TP63: variants seen among roughly 807,000 people sequenced by gnomAD.
TP63 encodes tumor protein 63.
TP63 carries 17 observed loss-of-function variants against 82.8 expected under a neutral mutation model. That is an observed-to-expected ratio of 0.21 (90% CI 0.14 to 0.31). The LOEUF is 0.31. Among genes scored for constraint, TP63 ranks in the 10% least tolerant of loss-of-function variants. The pLI is 1.00. For synonymous variants in TP63, 330 were observed against 321.7 expected (o/e 1.03, Z -0.28); for missense variants, 648 against 895.3 (o/e 0.72, Z 3.52).
At chr3:189,733,718 C>T (rs1031144301) in intron 1 of TP63, among the ~76,000 whole-genome samples, 2 of 152,140 alleles carry the variant, frequency 1.3e-5, no homozygotes, top group African/African-American at 4.8e-5. Context: ...GTAAATCAAA[C>T]ATATTCAAAA....
intron 1 of TP63, among the ~76,000 whole-genome samples, chr3:189,708,425 T>C (rs1158263033): frequency 6.6e-6 from 1 of 152,214 alleles, no homozygotes; most frequent in African/African-American, 2.4e-5. Flanking sequence ...TGCCAAAACC[T>C]AAACTGTATG....
intron 1 of TP63, among the ~76,000 whole-genome samples, chr3:189,736,943 G>C (rs1269546591): frequency 1.3e-5 from 2 of 152,006 alleles, no homozygotes; most frequent in Admixed American, 1.3e-4. Context: ...ATAATATTTA[G>C]ACTTGGAGAA....
At chr3:189,657,039 C>T (rs1048200962) in intron 1 of TP63, among the ~76,000 whole-genome samples, 4 of 144,418 alleles carry the variant, frequency 2.8e-5, no homozygotes, top group African/African-American at 1.0e-4. Context: ...AAAAAGACAA[C>T]AAGAATCTCA....
chr3:189,704,252 G>A (rs186257303), intron 1 of TP63, among the ~76,000 whole-genome samples: 13 of 152,360 alleles, frequency 8.5e-5, no homozygotes, highest in African/African-American at 2.9e-4. Context: ...GTAGTAAGGT[G>A]ATGTTGGTTT....
intron 1 of TP63, among the ~76,000 whole-genome samples, chr3:189,680,566 A>G (rs1456852057): frequency 6.6e-6 from 1 of 152,204 alleles, no homozygotes; most frequent in Non-Finnish European, 1.5e-5. Context: ...TCAACAACAC[A>G]TTAAAAGCAT....
intron 3 of TP63, among the ~76,000 whole-genome samples, chr3:189,747,761 A>T (rs1483102863): frequency 6.6e-6 from 1 of 151,866 alleles, no homozygotes; most frequent in Non-Finnish European, 1.5e-5. Context: ...AATATAGACT[A>T]AAAAAATTGG....
intron 3 of TP63, among the ~76,000 whole-genome samples, chr3:189,796,763 T>G (rs192628020): frequency 1.2e-4 from 19 of 152,200 alleles, no homozygotes; most frequent in African/African-American, 3.9e-4. Flanking sequence ...GGTCTGAGAA[T>G]ATAGCACCTA....
intron 3 of TP63, among the ~76,000 whole-genome samples, chr3:189,750,262 A>G (rs1721707401): frequency 6.6e-6 from 1 of 152,316 alleles, no homozygotes; most frequent in East Asian, 1.9e-4. Flanking sequence ...GGAGCTTAAA[A>G]AATTTATCTC....
At chr3:189,777,788 A>G (rs1160794056) in intron 3 of TP63, among the ~76,000 whole-genome samples, 2 of 117,310 alleles carry the variant, frequency 1.7e-5, no homozygotes, top group East Asian at 2.4e-4. Context: ...TATGTCTCCT[A>G]TACTAGATGA....
chr3:189,889,115 T>G (rs1422459717), intron 11 of TP63, among the ~76,000 whole-genome samples: 1 of 152,196 alleles, frequency 6.6e-6, no homozygotes, highest in Non-Finnish European at 1.5e-5. Flanking sequence ...AAGAGATTGT[T>G]CTCGGACAAG....
intron 4 of TP63, among the ~76,000 whole-genome samples, chr3:189,810,892 G>T (rs980106200): frequency 2.0e-4 from 30 of 150,878 alleles, no homozygotes; most frequent in African/African-American, 7.3e-4. Flanking sequence ...TTATTTTCAG[G>T]TTTAGCATAA....
At chr3:189,865,524 T>G (rs932154763) in intron 5 of TP63, among the ~76,000 whole-genome samples, 1 of 152,044 alleles carries the variant, frequency 6.6e-6, no homozygotes, top group African/African-American at 2.4e-5. Flanking sequence ...TCAAAGAGTA[T>G]TGAGGGTGCC....
At chr3:189,894,094 A>G (rs539249100) in intron 13 of TP63, 112 bp from the exon 14 acceptor site, 29 of 1,349,544 alleles carry the variant, frequency 2.1e-5, no homozygotes, top group African/African-American at 7.2e-5. Flanking sequence ...TTGTGGATCA[A>G]TAGATTCAGA....
At chr3:189,830,670 G>T (rs1257238398) in intron 4 of TP63, among the ~76,000 whole-genome samples, 1 of 152,136 alleles carries the variant, frequency 6.6e-6, no homozygotes, top group African/African-American at 2.4e-5. Flanking sequence ...GATGGATAAG[G>T]TAAGGTCTCC....
At chr3:189,775,995 AC>A (rs1363437466) in intron 3 of TP63, among the ~76,000 whole-genome samples, 2 of 152,182 alleles carry the variant, frequency 1.3e-5, no homozygotes, top group East Asian at 3.8e-4. Context: ...CTTGACACTT[AC>A]AAAATAGTTG....
At chr3:189,760,046 C>T (rs1722456675) in intron 3 of TP63, among the ~76,000 whole-genome samples, 1 of 152,140 alleles carries the variant, frequency 6.6e-6, no homozygotes, top group African/African-American at 2.4e-5. Flanking sequence ...AAAGACCCGC[C>T]CCTATGATTC....
At chr3:189,599,840 C>T in the TP63 span, among the ~76,000 whole-genome samples, 1 of 152,146 alleles carries the variant, frequency 6.6e-6, no homozygotes. Flanking sequence ...CCAAACTTTG[C>T]ACTCCATTTG....
intron 4 of TP63, among the ~76,000 whole-genome samples, chr3:189,830,839 T>C (rs956033470): frequency 6.6e-6 from 1 of 152,188 alleles, no homozygotes; most frequent in African/African-American, 2.4e-5. Context: ...TAGTAAATAT[T>C]GTTTGAAGAA....
chr3:189,843,707 A>G (rs1043599208), intron 4 of TP63, among the ~76,000 whole-genome samples: 2 of 152,150 alleles, frequency 1.3e-5, no homozygotes, highest in African/African-American at 4.8e-5. Flanking sequence ...TGATGTGGAT[A>G]CAGTCTTAAA....
Sources: allele counts gnomAD v4.1 joint callset (sites outside exome capture counted in the v4.1 genomes callset), GRCh38; gene constraint gnomAD v4.1.1; transcripts MANE v1.5; gene names NCBI Gene and HGNC (gene_info 2026-07-23, HGNC 2026-07-21).